SPATA13: variants seen among roughly 807,000 people sequenced by gnomAD.
SPATA13 encodes spermatogenesis associated 13, also known as spermatogenesis-associated protein 13.
A neutral mutation model predicts 104.0 loss-of-function variants in SPATA13; 50 were observed. The ratio of observed to expected loss-of-function variants is 0.48; its 90% CI spans 0.38 to 0.61. SPATA13 has a LOEUF of 0.61. SPATA13 is among the 20% of genes least tolerant of loss of function. SPATA13 has a pLI of 0.00. For synonymous variants in SPATA13, 606 were observed against 667.5 expected (o/e 0.91, Z 1.42); for missense variants, 1,524 against 1,690.6 (o/e 0.90, Z 1.73).
At chr13:24,019,561 A>C (rs896377813) in intron 3 of SPATA13, among the ~76,000 whole-genome samples, 3 of 152,246 alleles carry the variant, frequency 2.0e-5, no homozygotes, top group African/African-American at 2.4e-5. Flanking sequence ...TTAATATCAC[A>C]TGCTAAATAG....
chr13:24,174,437 T>C (rs1453101236), intron 1 of SPATA13, among the ~76,000 whole-genome samples: 2 of 152,034 alleles, frequency 1.3e-5, no homozygotes, highest in African/African-American at 4.8e-5. Flanking sequence ...TTGAGATGGT[T>C]CTTCTTTTCT....
chr13:24,157,283 CTTTTTCTTT>C (rs369654431), upstream of SPATA13, among the ~76,000 whole-genome samples: 683 of 117,776 alleles, frequency 5.8e-3, 6 homozygotes, highest in South Asian at 0.012. Context: ...CAGGTAACTC[CTTTTTCTTT>C]TTTTTCTTTT....
Position 24,133,377 on chromosome 13 carries a change from G to C in SPATA13, c.-111-89442G>C, listed in dbSNP as rs539934105. The stretch of plus-strand genomic sequence containing the variant: ...TTTGAGATCTATTATAGAAAATAAA[G>C]TTATATTTCTCTGTGTATTTAAACG... On this transcript the variant is annotated intron_variant, in intron 3 of 14. Transcript: ENST00000424834. 2.6e-5 allele frequency among the ~76,000 whole-genome samples: 4 copies of C among 152,286 alleles called. No homozygotes were observed. In the East Asian group the frequency reaches 7.7e-4, roughly 29 times the overall value.
At chr13:24,102,305 T>C (rs1409845556) in intron 3 of SPATA13, among the ~76,000 whole-genome samples, 1 of 152,194 alleles carries the variant, frequency 6.6e-6, no homozygotes, top group African/African-American at 2.4e-5. Flanking sequence ...TCCAAGTCCT[T>C]TATCCATTTT....
At chr13:24,050,936 T>C (rs1383823571) in intron 3 of SPATA13, among the ~76,000 whole-genome samples, 2 of 152,220 alleles carry the variant, frequency 1.3e-5, no homozygotes, top group Non-Finnish European at 2.9e-5. Flanking sequence ...ATGTGCTATT[T>C]GCTGACTTCA....
intron 3 of SPATA13, among the ~76,000 whole-genome samples, chr13:24,144,749 G>A (rs545471173): frequency 1.7e-4 from 26 of 152,100 alleles, no homozygotes; most frequent in Admixed American, 3.3e-4. Context: ...GACCAGGGTC[G>A]GAAGAGGCAG....
intron 3 of SPATA13, among the ~76,000 whole-genome samples, chr13:24,137,257 G>A (rs1038705938): frequency 2.0e-5 from 3 of 152,280 alleles, no homozygotes; most frequent in Admixed American, 6.5e-5. Context: ...AAAGGCCACT[G>A]AACTGAAAGA....
At chr13:24,234,673 G>A (rs2138632725) in intron 2 of SPATA13, among the ~76,000 whole-genome samples, 1 of 152,342 alleles carries the variant, frequency 6.6e-6, no homozygotes, top group South Asian at 2.1e-4. Context: ...ACCACTTGCA[G>A]TGCTCTGGGG....
At chr13:24,072,817 G>C (rs924440842) in intron 3 of SPATA13, among the ~76,000 whole-genome samples, 7 of 81,746 alleles carry the variant, frequency 8.6e-5, no homozygotes, top group African/African-American at 3.1e-4. Flanking sequence ...AGTGTCTACT[G>C]TTGGCTCCTT....
At position 24,278,575 on chromosome 13, in the gene SPATA13, G is replaced by C. The variant is rs1412379437; in HGVS notation, c.2165-5560G>C. 3 of 1,354,598 alleles carry C rather than the reference G, an allele frequency of 2.2e-6. No homozygotes were observed. The African/African-American group carries it at 4.6e-5, about 21-fold the overall frequency. 83.9% of individuals were successfully genotyped at this position (1,354,598 alleles called of 1,614,324 possible). ...TTACAAGCATGAGCTACCACGCCCA[G>C]CCACATCTTGCAATTCTATACTGTT... On this transcript the variant is annotated intron_variant, in intron 4 of 12. Transcript: ENST00000382108.
chr13:24,258,536 G>A (rs1442890803), intron 4 of SPATA13, among the ~76,000 whole-genome samples: 1 of 151,942 alleles, frequency 6.6e-6, no homozygotes, highest in East Asian at 1.9e-4. Context: ...AAGAGTTGTC[G>A]TGCGTTCCTG....
intron 2 of SPATA13, among the ~76,000 whole-genome samples, chr13:24,015,143 T>C (rs935843893): frequency 6.6e-6 from 1 of 152,114 alleles, no homozygotes; most frequent in African/African-American, 2.4e-5. Context: ...CTGCCTGCCT[T>C]GGCCTCCCAA....
chr13:24,112,553 T>TACACAC (rs3075291), intron 3 of SPATA13, among the ~76,000 whole-genome samples: 19 of 150,020 alleles, frequency 1.3e-4, no homozygotes, highest in African/African-American at 4.6e-4. Context: ...GTGCCAGGCA[T>TACACAC]ACACACACAC....
intron 10 of SPATA13, among the ~76,000 whole-genome samples, 189 bp from the exon 11 acceptor site, chr13:24,297,174 G>A (rs113037522): frequency 1.4e-3 from 216 of 152,208 alleles, no homozygotes; most frequent in Middle Eastern, 0.014. Flanking sequence ...AAGTAGCTAG[G>A]ACTACAGGTG....
intron 1 of SPATA13, among the ~76,000 whole-genome samples, chr13:24,216,645 T>G (rs1446212860): frequency 1.3e-5 from 2 of 152,220 alleles, no homozygotes; most frequent in Non-Finnish European, 2.9e-5. Flanking sequence ...TTCTTTCTTT[T>G]ACTAAGGTAT....
At chr13:24,188,831 G>A (rs956364614) in intron 1 of SPATA13, among the ~76,000 whole-genome samples, 2 of 152,124 alleles carry the variant, frequency 1.3e-5, no homozygotes, top group African/African-American at 2.4e-5. Flanking sequence ...ATGATTCTCC[G>A]GTTAGGGGCT....
At chr13:24,079,552 G>C (rs141596550) in intron 3 of SPATA13, among the ~76,000 whole-genome samples, 7 of 152,138 alleles carry the variant, frequency 4.6e-5, no homozygotes, top group African/African-American at 1.7e-4. Flanking sequence ...TGATGATCCC[G>C]ACCTGAGACT....
intron 3 of SPATA13, among the ~76,000 whole-genome samples, chr13:24,139,793 C>T (rs902025420): frequency 4.6e-5 from 7 of 152,132 alleles, no homozygotes; most frequent in South Asian, 2.1e-4. Flanking sequence ...GCAGGCCGGG[C>T]GCGGTGGCTC....
Position 24,271,149 on chromosome 13 carries a change from G to C in SPATA13, c.2165-12986G>C, listed in dbSNP as rs1216872233. ...AAGGGTGCTGAGGATAGTTTTAGTT[G>C]TGGACATAGTCAGTTGAAGAAATTG... is the stretch of plus-strand genomic sequence containing the variant. On this transcript the variant is annotated intron_variant, in intron 4 of 12. Transcript: ENST00000382108. Among the ~76,000 whole-genome samples, 3 of 151,894 alleles carry C rather than the reference G, an allele frequency of 2.0e-5. No individual in the cohort carries two copies. The East Asian group carries it at 5.8e-4, about 29-fold the overall frequency.
Sources: gnomAD v4.1 joint callset for allele counts (sites outside exome capture counted in the v4.1 genomes callset) on GRCh38, gnomAD v4.1.1 for gene constraint, MANE v1.5 for transcripts, NCBI Gene and HGNC (gene_info 2026-07-23, HGNC 2026-07-21) for gene names.